ADGRB3: variants seen among roughly 807,000 people sequenced by gnomAD.
ADGRB3 encodes brain-specific angiogenesis inhibitor 3.
Under a neutral mutation model 193.4 loss-of-function variants are expected in ADGRB3, and 37 were observed. The ratio of observed to expected loss-of-function variants is 0.19; its 90% CI spans 0.15 to 0.25. ADGRB3 has a LOEUF of 0.25. Ranked by LOEUF, ADGRB3 falls within the 10% of genes least tolerant of loss-of-function variation. ADGRB3 has a pLI of 1.00. For synonymous variants in ADGRB3, 690 were observed against 644.2 expected (o/e 1.07, Z -1.08); for missense variants, 1,637 against 1,852.9 (o/e 0.88, Z 2.14).
At chr6:68,911,718 T>G (rs1021833788) in intron 3 of ADGRB3, among the ~76,000 whole-genome samples, 5 of 152,216 alleles carry the variant, frequency 3.3e-5, no homozygotes, top group African/African-American at 1.2e-4. Flanking sequence ...CAAAAATAAG[T>G]TTAAGGCTGG....
At chr6:68,720,881 A>C (rs1765564014) in intron 3 of ADGRB3, among the ~76,000 whole-genome samples, 1 of 151,814 alleles carries the variant, frequency 6.6e-6, no homozygotes, top group African/African-American at 2.4e-5. Flanking sequence ...ACCAGGTTAG[A>C]TGATTATAAT....
At chr6:68,662,269 A>G (rs1316469630) in intron 3 of ADGRB3, among the ~76,000 whole-genome samples, 2 of 151,740 alleles carry the variant, frequency 1.3e-5, no homozygotes, top group South Asian at 2.1e-4. Flanking sequence ...AGTGCTTACT[A>G]ATTTTGGGGA....
At chr6:69,266,101 T>G (rs1160499616) in intron 20 of ADGRB3, among the ~76,000 whole-genome samples, 1 of 152,064 alleles carries the variant, frequency 6.6e-6, no homozygotes, top group Non-Finnish European at 1.5e-5. Flanking sequence ...TCAATAAGTT[T>G]TATTATTTTG....
chr6:68,955,915 T>G, intron 6 of ADGRB3, 109 bp from the exon 7 acceptor site: 1 of 1,034,806 alleles, frequency 9.7e-7, no homozygotes, highest in East Asian at 2.6e-5. Context: ...TATTCATTCA[T>G]AGTCCATTGA....
intron 17 of ADGRB3, among the ~76,000 whole-genome samples, chr6:69,166,292 A>C (rs1775131375): frequency 6.6e-6 from 1 of 152,110 alleles, no homozygotes; most frequent in Admixed American, 6.6e-5. Context: ...GCAATGTGAT[A>C]GAGGTGTGTC....
chr6:69,323,008 T>G (rs979736276), intron 20 of ADGRB3, among the ~76,000 whole-genome samples: 8 of 151,988 alleles, frequency 5.3e-5, no homozygotes, highest in African/African-American at 1.9e-4. Flanking sequence ...GTATTAGAAT[T>G]AAAGTGAATA....
At chr6:69,182,137 A>G (rs1342990104) in intron 17 of ADGRB3, among the ~76,000 whole-genome samples, 1 of 152,204 alleles carries the variant, frequency 6.6e-6, no homozygotes, top group African/African-American at 2.4e-5. Context: ...AGATGCACCC[A>G]TGAGACAGGA....
intron 6 of ADGRB3, among the ~76,000 whole-genome samples, chr6:68,945,972 T>C (rs565842156): frequency 1.3e-5 from 2 of 152,250 alleles, no homozygotes; most frequent in East Asian, 1.9e-4. Context: ...AGGTCCTTTG[T>C]TTTTGTGCAT....
chr6:68,790,329 C>T (rs111733804), intron 3 of ADGRB3, among the ~76,000 whole-genome samples: 9 of 152,312 alleles, frequency 5.9e-5, no homozygotes, highest in African/African-American at 2.2e-4. Flanking sequence ...ATCAAGGAGG[C>T]CTGCCTGCCT....
At chr6:68,896,386 A>G (rs977819477) in intron 3 of ADGRB3, among the ~76,000 whole-genome samples, 2 of 152,122 alleles carry the variant, frequency 1.3e-5, no homozygotes, top group Non-Finnish European at 2.9e-5. Context: ...TCTCTACTCA[A>G]TATAAGACTA....
intron 3 of ADGRB3, among the ~76,000 whole-genome samples, chr6:68,753,111 G>A (rs556853730): frequency 6.6e-6 from 1 of 152,088 alleles, no homozygotes; most frequent in Non-Finnish European, 1.5e-5. Context: ...CTATGGAAAA[G>A]GTACCACCCT....
rs1767484571 is a variant in ADGRB3 at position 68,810,258 on chromosome 6, C to G, written c.758-120301C>G. ...TTCGGAAGTGAGATATGTCATAATC[C>G]TTAAAAATGGAATAAAGTCTATAAT... On this transcript the variant is annotated intron_variant, in intron 3 of 31. Coordinates refer to ENST00000370598, the MANE Select transcript of ADGRB3 (RefSeq NM_001704.3). 2.0e-5 allele frequency among the ~76,000 whole-genome samples: 3 copies of G among 152,096 alleles called. No homozygotes were observed. In the South Asian group the frequency reaches 6.2e-4, roughly 32 times the overall value.
intron 13 of ADGRB3, among the ~76,000 whole-genome samples, chr6:69,039,023 C>A (rs897871694): frequency 3.8e-4 from 57 of 152,000 alleles, no homozygotes; most frequent in Admixed American, 2.7e-3. Context: ...GTGAATCATC[C>A]CTTTGATTGG....
intron 3 of ADGRB3, among the ~76,000 whole-genome samples, chr6:68,699,457 G>A (rs1020303580): frequency 5.3e-5 from 8 of 151,888 alleles, no homozygotes; most frequent in South Asian, 4.2e-4. Context: ...TCACAGCTTG[G>A]GTGACAAATT....
In ADGRB3 at chr6:69,094,250, C is replaced by T. The variant is rs967371259; in HGVS notation, c.2480+18212C>T. ...CTGTACAACACCTTCTCCATGCACA[C>T]TCTTATTCTATTCTGGCAGGAAATT... On this transcript the variant is annotated intron_variant, in intron 17 of 31. Transcript: ENST00000370598. Among the ~76,000 whole-genome samples the T allele has an allele frequency of 4.6e-5, 7 of 152,334 alleles. No individual in the cohort carries two copies. The East Asian group carries it at 1.4e-3, about 29-fold the overall frequency.
At chr6:69,107,388 CATTT>C (rs1371661691) in intron 17 of ADGRB3, among the ~76,000 whole-genome samples, 1 of 152,120 alleles carries the variant, frequency 6.6e-6, no homozygotes, top group Admixed American at 6.5e-5. Context: ...ACATGAAAAT[CATTT>C]ATTTATCAAA....
rs1176347711 is a variant in ADGRB3 at position 68,923,098 on chromosome 6, A to C, written c.758-7461A>C. Among the ~76,000 whole-genome samples, 4 of 141,796 alleles carry C rather than the reference A, an allele frequency of 2.8e-5. No homozygotes were observed. The East Asian group carries it at 7.9e-4, about 28-fold the overall frequency. 93.0% of individuals were successfully genotyped at this position (141,796 alleles called of 152,430 possible). A position where few individuals can be genotyped will look rare whatever the true frequency, so the allele number is the denominator to read the frequency against. ...TACATGTCTTAGTAGAATCATTCTT[A>C]TTAAGAAAGTCAGGTTTGATACTTT... is the stretch of plus-strand genomic sequence containing the variant. On this transcript the variant is annotated intron_variant, in intron 3 of 31. Transcript: ENST00000370598.
intron 3 of ADGRB3, among the ~76,000 whole-genome samples, chr6:68,725,838 C>T (rs1364908385): frequency 6.6e-6 from 1 of 151,110 alleles, no homozygotes; most frequent in Non-Finnish European, 1.5e-5. Context: ...TAAAGGAGGG[C>T]CTAGGAAAAG....
intron 3 of ADGRB3, among the ~76,000 whole-genome samples, chr6:68,765,703 A>G (rs1292509463): frequency 6.6e-6 from 1 of 152,034 alleles, no homozygotes; most frequent in Non-Finnish European, 1.5e-5. Flanking sequence ...TTTTATTCCC[A>G]TGTGATACTA....
Sources: gnomAD v4.1 joint callset for allele counts (sites outside exome capture counted in the v4.1 genomes callset) on GRCh38, gnomAD v4.1.1 for gene constraint, MANE v1.5 for transcripts, NCBI Gene and HGNC (gene_info 2026-07-23, HGNC 2026-07-21) for gene names.